CHODL: variants seen among roughly 807,000 people sequenced by gnomAD.
CHODL encodes transmembrane protein MT75.
Under a neutral mutation model 34.5 loss-of-function variants are expected in CHODL, and 29 were observed. The observed-to-expected ratio is 0.84, with a 90% CI of 0.63 to 1.15. CHODL has a LOEUF of 1.15. CHODL is among the 50% of genes most tolerant of loss of function. The pLI, the probability that CHODL is intolerant of heterozygous loss-of-function variation, is 0.00. For missense variants in CHODL, 332 were observed against 332.5 expected, an observed-to-expected ratio of 1.00 and a Z score of 0.01; for synonymous variants, 125 against 116.1, an observed-to-expected ratio of 1.08 and a Z score of -0.49.
At chr21:18,168,715 C>T (rs757054813) in intron 2 of CHODL, among the ~76,000 whole-genome samples, 1 of 152,146 alleles carries the variant, frequency 6.6e-6, no homozygotes, top group Non-Finnish European at 1.5e-5. Context: ...TTTTCCATTA[C>T]ATGGGTTGTC....
intron 2 of CHODL, among the ~76,000 whole-genome samples, chr21:18,104,177 G>GTT (rs2065247549): frequency 6.6e-6 from 1 of 152,170 alleles, no homozygotes; most frequent in African/African-American, 2.4e-5. Flanking sequence ...AGTGAAGTGG[G>GTT]TTTATGCATG....
At chr21:18,125,592 A>ATTAATTAATTGTATTAATTACAT (rs2065532837) in intron 2 of CHODL, among the ~76,000 whole-genome samples, 1 of 149,724 alleles carries the variant, frequency 6.7e-6, no homozygotes, top group Non-Finnish European at 1.5e-5. Flanking sequence ...ATTACATTTA[A>ATTAATTAATTGTATTAATTACAT]TTAATTAATT....
chr21:18,134,228 T>C (rs1304814866), intron 2 of CHODL: 2 of 463,616 alleles, frequency 4.3e-6, no homozygotes, highest in African/African-American at 3.9e-5. Context: ...TCTTTTGTTA[T>C]CTAGGTGTGC....
In CHODL at chr21:18,248,709, A is replaced by ATT. The variant is rs1555885898; in HGVS notation, c.79+3407_79+3408insTT. Among the ~76,000 whole-genome samples, 201 of 118,070 alleles carry ATT rather than the reference A, an allele frequency of 1.7e-3. 2 individuals carry two copies. The highest frequency in any genetic ancestry group is 3.5e-3 in the East Asian group (16 of 4,564). The allele number at this position is 118,070 out of a possible 152,430, so 77.5% of individuals were successfully genotyped here. A position where few individuals can be genotyped will look rare whatever the true frequency, so the allele number is the denominator to read the frequency against. On this transcript the variant is annotated intron_variant, in intron 1 of 5. Transcript: ENST00000299295. ...ATATTATATACATATATATGTATATAATATATACATATATATGTATATAAT... is the reference window on the plus strand; with the variant it reads ...ATATTATATACATATATATGTATATATTATATATACATATATATGTATATAAT...
chr21:18,120,490 G>A (rs1003401641), intron 2 of CHODL, among the ~76,000 whole-genome samples: 1 of 152,008 alleles, frequency 6.6e-6, no homozygotes, highest in Non-Finnish European at 1.5e-5. Context: ...CAGTTTTATC[G>A]TGTTTTACCT....
Position 18,151,322 on chromosome 21 carries a change from C to T in CHODL, c.-44-105187C>T, listed in dbSNP as rs141972537. On this transcript the variant is annotated intron_variant, in intron 2 of 6. Coordinates refer to the CHODL transcript ENST00000400127. ...CACAGTTGTCCATGCTGCAGTCATG[C>T]CTATCCAGCAAAGTTTCCCTAAAAG... Among the ~76,000 whole-genome samples the T allele has an allele frequency of 2.4e-3, 363 of 152,180 alleles. 1 individual carries two copies. The highest frequency in any genetic ancestry group is 8.1e-3 in the African/African-American group (338 of 41,510).
chr21:18,258,427 TCTC>T (rs1275912667), intron 3 of CHODL, among the ~76,000 whole-genome samples: 4 of 152,140 alleles, frequency 2.6e-5, no homozygotes, highest in Admixed American at 2.0e-4. Flanking sequence ...ATTATCGCCT[TCTC>T]CTTTCTTTTG....
intron 2 of CHODL, among the ~76,000 whole-genome samples, chr21:18,044,695 CTT>C (rs2146458894): frequency 6.6e-6 from 1 of 151,902 alleles, no homozygotes; most frequent in East Asian, 1.9e-4. Flanking sequence ...ATTATATACT[CTT>C]TTATGATATC....
intron 2 of CHODL, among the ~76,000 whole-genome samples, chr21:18,112,217 G>C (rs1468015086): frequency 6.6e-6 from 1 of 152,050 alleles, no homozygotes; most frequent in Non-Finnish European, 1.5e-5. Flanking sequence ...AGTCAGTTAA[G>C]GCTTTATAAA....
At chr21:18,176,978 G>A (rs897669713) in intron 2 of CHODL, among the ~76,000 whole-genome samples, 2 of 151,894 alleles carry the variant, frequency 1.3e-5, no homozygotes, top group East Asian at 3.9e-4. Context: ...ATAGGTTGTT[G>A]GGGTAAGGGA....
intron 1 of CHODL, among the ~76,000 whole-genome samples, chr21:17,997,014 A>T (rs969178457): frequency 6.6e-6 from 1 of 151,856 alleles, no homozygotes; most frequent in African/African-American, 2.4e-5. Context: ...TTCTGATTTT[A>T]AAAAAAACAT....
At chr21:18,153,828 A>C (rs1384791642) in intron 2 of CHODL, among the ~76,000 whole-genome samples, 1 of 152,154 alleles carries the variant, frequency 6.6e-6, no homozygotes, top group Non-Finnish European at 1.5e-5. Context: ...ATTTCCTCTA[A>C]AATATCAGTG....
chr21:18,211,690 A>G (rs1177918374), intron 2 of CHODL, among the ~76,000 whole-genome samples: 1 of 152,182 alleles, frequency 6.6e-6, no homozygotes, highest in Admixed American at 6.5e-5. Context: ...ATTAATCATG[A>G]TGGCAAAAGT....
At chr21:18,076,903 CAG>C (rs1223518945) in intron 2 of CHODL, among the ~76,000 whole-genome samples, 1 of 152,194 alleles carries the variant, frequency 6.6e-6, no homozygotes. Flanking sequence ...GACAGAGGAA[CAG>C]AGCTGCCACA....
chr21:18,178,952 A>G (rs1163638359), intron 2 of CHODL, among the ~76,000 whole-genome samples: 1 of 152,216 alleles, frequency 6.6e-6, no homozygotes, highest in Non-Finnish European at 1.5e-5. Context: ...ATTGCATCAG[A>G]GGATGGAGCC....
chr21:17,966,071 C>T (rs1348016213), intron 1 of CHODL, among the ~76,000 whole-genome samples: 1 of 151,870 alleles, frequency 6.6e-6, no homozygotes, highest in Non-Finnish European at 1.5e-5. Context: ...CTAACGGAAT[C>T]CACCTCTGCA....
chr21:18,014,652 T>G (rs571551824), intron 1 of CHODL, among the ~76,000 whole-genome samples: 2 of 152,250 alleles, frequency 1.3e-5, no homozygotes, highest in Admixed American at 1.3e-4. Flanking sequence ...ATCTGGTCAT[T>G]TTGAAGCAGT....
chr21:18,118,443 C>G (rs2065439237), intron 2 of CHODL, among the ~76,000 whole-genome samples: 8 of 152,114 alleles, frequency 5.3e-5, no homozygotes, highest in Admixed American at 5.2e-4. Context: ...CTTTTAAGAA[C>G]CTAAAAATTA....
chr21:18,098,886 A>G (rs2065174568), intron 2 of CHODL, among the ~76,000 whole-genome samples: 4 of 151,976 alleles, frequency 2.6e-5, no homozygotes, highest in Admixed American at 2.6e-4. Context: ...ATGGAGTCCT[A>G]TTCAGCCATA....
Sources: allele counts gnomAD v4.1 joint callset (sites outside exome capture counted in the v4.1 genomes callset), GRCh38; gene constraint gnomAD v4.1.1; transcripts MANE v1.5; gene names NCBI Gene and HGNC (gene_info 2026-07-23, HGNC 2026-07-21).